Variants in GHR observed in about 807,000 individuals in gnomAD.
GHR encodes growth hormone receptor, also known as GH receptor.
GHR carries 35 observed loss-of-function variants against 67.1 expected under a neutral mutation model. That is an observed-to-expected ratio of 0.52 (90% CI 0.40 to 0.69). The LOEUF is 0.69. Ranked by LOEUF, GHR falls within the 30% of genes least tolerant of loss-of-function variation. GHR has a pLI of 0.00. For synonymous variants in GHR, 272 were observed against 269.1 expected (o/e 1.01, Z -0.10); for missense variants, 792 against 764.6 (o/e 1.04, Z -0.42).
chr5:42,582,236 G>T (rs1187271380), intron 2 of GHR, among the ~76,000 whole-genome samples: 2 of 152,262 alleles, frequency 1.3e-5, no homozygotes, highest in Admixed American at 6.5e-5. Flanking sequence ...CCAGTCCCCA[G>T]TGAAGCTCCA....
At chr5:42,634,867 ATTC>A (rs922264551) in intron 3 of GHR, among the ~76,000 whole-genome samples, 8 of 152,166 alleles carry the variant, frequency 5.3e-5, no homozygotes, top group African/African-American at 1.9e-4. Context: ...CTCTGCTTTC[ATTC>A]TTTTTTATCA....
At chr5:42,589,691 C>T (rs1224391193) in intron 2 of GHR, among the ~76,000 whole-genome samples, 3 of 152,070 alleles carry the variant, frequency 2.0e-5, no homozygotes, top group Admixed American at 6.5e-5. Flanking sequence ...TTTAAAAGGT[C>T]ATTTGTGCAA....
chr5:42,470,006 A>G (rs1267757395), intron 1 of GHR, among the ~76,000 whole-genome samples: 1 of 150,118 alleles, frequency 6.7e-6, no homozygotes, highest in African/African-American at 2.4e-5. Flanking sequence ...ATATGTGTGT[A>G]TATTTGTGTG....
intron 3 of GHR, among the ~76,000 whole-genome samples, chr5:42,683,292 G>C (rs4591756): frequency 6.6e-6 from 1 of 151,938 alleles, no homozygotes; most frequent in Non-Finnish European, 1.5e-5. Context: ...GAGCCACCGC[G>C]CCCAGCCAGT....
chr5:42,501,036 T>A (rs903744593), intron 1 of GHR, among the ~76,000 whole-genome samples: 1 of 152,104 alleles, frequency 6.6e-6, no homozygotes, highest in African/African-American at 2.4e-5. Flanking sequence ...GGCCACAGAG[T>A]TAATACTCCA....
chr5:42,698,336 G>A (rs1370670365), intron 5 of GHR, among the ~76,000 whole-genome samples: 2 of 152,126 alleles, frequency 1.3e-5, no homozygotes, highest in Non-Finnish European at 2.9e-5. Context: ...TGCAGCATAA[G>A]TAATGAGTTA....
rs555214601 is a variant in GHR, at chr5:42,575,146, G to A, written c.70+9202G>A. Among the ~76,000 whole-genome samples the A allele has an allele frequency of 5.3e-5, 8 of 152,246 alleles. No individual in the cohort carries two copies. In the South Asian group the frequency reaches 6.2e-4, roughly 12 times the overall value. On this transcript the variant is annotated intron_variant, in intron 2 of 9. Coordinates refer to ENST00000230882, the MANE Select transcript of GHR (RefSeq NM_000163.5). ...AGTAAAGGGAGCTATGGAGGAACTC[G>A]CTGGGAGGAGAAGCTGGTCCTCAGA... is the stretch of plus-strand genomic sequence containing the variant.
At chr5:42,599,279 A>G (rs1187272363) in intron 2 of GHR, among the ~76,000 whole-genome samples, 2 of 151,774 alleles carry the variant, frequency 1.3e-5, no homozygotes, top group Non-Finnish European at 2.9e-5. Context: ...TGGACCAGAG[A>G]GATCTTATCA....
At chr5:42,564,783 A>G (rs1749831793) in intron 1 of GHR, among the ~76,000 whole-genome samples, 1 of 152,174 alleles carries the variant, frequency 6.6e-6, no homozygotes, top group South Asian at 2.1e-4. Context: ...TCAGGTTTGC[A>G]CAGTAATAAA....
At chr5:42,521,153 C>T (rs184464050) in intron 1 of GHR, among the ~76,000 whole-genome samples, 4 of 152,222 alleles carry the variant, frequency 2.6e-5, no homozygotes, top group South Asian at 4.1e-4. Flanking sequence ...TGGCAAGTGG[C>T]GAGAAGCCAA....
At chr5:42,438,182 T>G (rs1743416016) in intron 1 of GHR, among the ~76,000 whole-genome samples, 1 of 152,214 alleles carries the variant, frequency 6.6e-6, no homozygotes. Context: ...TTTTTTATAT[T>G]ATTTAATCCC....
intron 1 of GHR, among the ~76,000 whole-genome samples, chr5:42,544,190 TA>T (rs1159207987): frequency 2.0e-5 from 3 of 152,012 alleles, no homozygotes; most frequent in African/African-American, 4.8e-5. Flanking sequence ...GGGCCTTCCT[TA>T]AAAAGATATG....
At chr5:42,439,179 C>G (rs1418700608) in intron 1 of GHR, among the ~76,000 whole-genome samples, 2 of 152,036 alleles carry the variant, frequency 1.3e-5, no homozygotes, top group African/African-American at 2.4e-5. Flanking sequence ...GCTTAAAAAA[C>G]CCATAATTTT....
chr5:42,457,977 G>A (rs1360809607), intron 1 of GHR, among the ~76,000 whole-genome samples: 1 of 152,136 alleles, frequency 6.6e-6, no homozygotes, highest in Admixed American at 6.5e-5. Context: ...TCTAGAATCA[G>A]GTGTAATATC....
chr5:42,466,782 C>T (rs954287025), intron 1 of GHR: 1 of 707,630 alleles, frequency 1.4e-6, no homozygotes, highest in African/African-American at 1.8e-5. Flanking sequence ...CTTTTAAGGA[C>T]ATAGGCCTCA....
intron 2 of GHR, among the ~76,000 whole-genome samples, chr5:42,604,125 C>G (rs1169806990): frequency 6.6e-6 from 1 of 152,242 alleles, no homozygotes; most frequent in Non-Finnish European, 1.5e-5. Flanking sequence ...ACAGGAGCTT[C>G]TGTCCTTGTG....
At chr5:42,433,084 G>C (rs890740568) in intron 1 of GHR, among the ~76,000 whole-genome samples, 13 of 152,318 alleles carry the variant, frequency 8.5e-5, no homozygotes, top group African/African-American at 3.1e-4. Flanking sequence ...GCTGTTCACA[G>C]CCTTGGAAAC....
intron 3 of GHR, chr5:42,647,821 A>G (rs914307045): frequency 3.1e-6 from 1 of 317,694 alleles, no homozygotes; most frequent in African/African-American, 2.2e-5. Flanking sequence ...TGTCTATTTG[A>G]AAATTTTGTT....
At chr5:42,465,879 C>A in intron 1 of GHR, 1 of 723,282 alleles carries the variant, frequency 1.4e-6, no homozygotes, top group South Asian at 1.6e-5. Flanking sequence ...CCTCCTTCAC[C>A]CCTTTCATCA....
Sources: gnomAD v4.1 joint callset for allele counts (sites outside exome capture counted in the v4.1 genomes callset) on GRCh38, gnomAD v4.1.1 for gene constraint, MANE v1.5 for transcripts, NCBI Gene and HGNC (gene_info 2026-07-23, HGNC 2026-07-21) for gene names.